RSPH6A: variants seen among roughly 807,000 people sequenced by gnomAD.
The protein encoded by RSPH6A is radial spoke head 6 homolog A.
In RSPH6A, 49 loss-of-function variants were observed where a neutral mutation model predicts 66.1. The observed-to-expected ratio is 0.74, with a 90% CI of 0.59 to 0.94. RSPH6A has a LOEUF of 0.94. RSPH6A is among the 40% of genes least tolerant of loss of function. RSPH6A has a pLI of 0.00. For missense variants in RSPH6A, 977 were observed against 948.3 expected (o/e 1.03, Z -0.40); for synonymous variants, 419 against 402.4 (o/e 1.04, Z -0.49).
rs766462573 is a variant in RSPH6A at position 45,804,362 on chromosome 19, C to T, written c.1543G>A (p.Ala515Thr). ...TTCTCCTCGTAGGAGTCGCGCCCAG[C>T]ACCACCTTCCTCCTCCTCGTCGCCC... ...EEGDEEEEGGAGRDSYEENPD... is the reference protein window; with the variant it reads ...EEGDEEEEGGTGRDSYEENPD... Residue 515 changes from alanine (A) to threonine (T), a missense_variant, in exon 3 of 6, where the codon GCT becomes ACT. Transcript: ENST00000221538. The surrounding 1 kb of genome is among the most constrained non-coding windows in gnomAD (Gnocchi z 5.8). The T allele has an allele frequency of 6.2e-7, 1 of 1,614,224 alleles. No homozygotes were observed.
chr19:45,796,961 G>A (rs1970415155), intron 5 of RSPH6A, among the ~76,000 whole-genome samples: 1 of 152,144 alleles, frequency 6.6e-6, no homozygotes. Context: ...TCCAGCTACT[G>A]GGGAGGCTGA....
Position 45,795,927 on chromosome 19 carries a change from G to C in RSPH6A, c.2096C>G (p.Ala699Gly). 1 of 1,525,562 alleles carries C rather than the reference G, an allele frequency of 6.6e-7. No individual in the cohort carries two copies. Among genetic ancestry groups the C allele is most frequent in the Non-Finnish European group, 8.8e-7 (1 of 1,139,524 alleles). 94.5% of individuals were successfully genotyped at this position (1,525,562 alleles called of 1,614,324 possible). A position where few individuals can be genotyped will look rare whatever the true frequency, so the allele number is the denominator to read the frequency against. Residue 699 changes from alanine (A) to glycine (G), a missense_variant, in exon 6 of 6, where the codon GCC (alanine) becomes GGC (glycine). Ala to Gly is a moderately conservative substitution (Grantham distance 60, BLOSUM62 0). Coordinates refer to ENST00000221538, the MANE Select transcript of RSPH6A (RefSeq NM_030785.4). The stretch of plus-strand genomic sequence containing the variant: ...CTCGCCCTCCTCCTCCTCCTCTGTG[G>C]CTCCCAGGGCTTGTTCCTGGGCTGC... ...LKAAQEQALG[A>G]TEEEEEGEEE...
chr19:45,812,411 T>G (rs57938077), intron 1 of RSPH6A, among the ~76,000 whole-genome samples: 9,961 of 151,762 alleles, frequency 0.066, 475 homozygotes, highest in African/African-American at 0.11. Context: ...TGAAACCAAG[T>G]TGGTCTGATT....
intron 4 of RSPH6A, 48 bp from the exon 5 acceptor site, chr19:45,800,611 C>A (rs1229261704): frequency 6.6e-7 from 1 of 1,518,668 alleles, no homozygotes; most frequent in Non-Finnish European, 9.0e-7. Flanking sequence ...AGGGAGGCCC[C>A]CAGGCCCTGC....
chr19:45,805,207 G>A (rs1266934518), intron 2 of RSPH6A, among the ~76,000 whole-genome samples, 191 bp from the exon 3 acceptor site: 7 of 152,170 alleles, frequency 4.6e-5, no homozygotes, highest in Non-Finnish European at 8.8e-5. Flanking sequence ...GTCCAGCCTG[G>A]CCAACATGGT....
chr19:45,805,993 T>A (rs1970538460), intron 2 of RSPH6A, among the ~76,000 whole-genome samples: 1 of 152,174 alleles, frequency 6.6e-6, no homozygotes, highest in South Asian at 2.1e-4. Context: ...AGGTGGAAAT[T>A]GCCTGGTCCC....
intron 2 of RSPH6A, among the ~76,000 whole-genome samples, chr19:45,808,288 C>T (rs529231494): frequency 3.9e-5 from 6 of 152,258 alleles, no homozygotes; most frequent in South Asian, 2.1e-4. Context: ...ATTAGCCAGG[C>T]GTGGTGGCAC....
chr19:45,810,922 GC>G, intron 1 of RSPH6A, 82 bp from the exon 2 acceptor site: 1 of 1,170,504 alleles, frequency 8.5e-7, no homozygotes, highest in Non-Finnish European at 1.2e-6. Context: ...CTGGCCCTGT[GC>G]CTGGTGCTGG....
chr19:45,806,204 C>T lies in RSPH6A; in HGVS notation c.889-1188G>A, dbSNP rs572451652. Among the ~76,000 whole-genome samples the T allele has an allele frequency of 1.1e-4, 16 of 152,232 alleles. No individual in the cohort carries two copies. The South Asian group carries it at 3.3e-3, about 32-fold the overall frequency. On this transcript the variant is annotated intron_variant, in intron 2 of 5. Transcript: ENST00000221538. Reference sequence around the variant, plus strand: ...AGAGGATGGTAATAAGTCCTGTCTTCACTGCCTCCATCTATACCGTGTGCT... The same window carrying T: ...AGAGGATGGTAATAAGTCCTGTCTTTACTGCCTCCATCTATACCGTGTGCT...
chr19:45,810,515 G>T, intron 2 of RSPH6A, 88 bp downstream of exon 2: 2 of 1,237,518 alleles, frequency 1.6e-6, no homozygotes, highest in Non-Finnish European at 2.3e-6. Context: ...GCTGTCTTTC[G>T]CCTCCAGGCC....
chr19:45,804,384 G>A lies in RSPH6A; in HGVS notation c.1521C>T (p.Gly507=), dbSNP rs1392098510. 3.1e-6 allele frequency: 5 copies of A among 1,613,872 alleles called. No individual in the cohort carries two copies. The highest frequency in any genetic ancestry group is 1.7e-5 in the Admixed American group (1 of 59,988). ...LGFYQFSEEE[G]DEEEEGGAGR... is the part of the protein sequence containing the mutation. Reference sequence around the variant, plus strand: ...CAGCACCACCTTCCTCCTCCTCGTCGCCCTCCTCCTCACTAAACTGGTAGA... The same window carrying A: ...CAGCACCACCTTCCTCCTCCTCGTCACCCTCCTCCTCACTAAACTGGTAGA... The change falls in exon 3 of 6, where the codon GGC becomes GGT. Residue 507 remains glycine, a synonymous_variant. Transcript: ENST00000221538. This position sits in a 1 kb window ranked among gnomAD's most constrained non-coding sequence, Gnocchi z 5.8.
chr19:45,803,534 G>A (rs1327252007), intron 3 of RSPH6A, among the ~76,000 whole-genome samples: 1 of 152,056 alleles, frequency 6.6e-6, no homozygotes, highest in Non-Finnish European at 1.5e-5. Flanking sequence ...AAATTAGTTG[G>A]GCGTGATGGC....
intron 4 of RSPH6A, 90 bp downstream of exon 4, chr19:45,802,030 G>T (rs200731142): frequency 7.9e-7 from 1 of 1,268,124 alleles, no homozygotes; most frequent in African/African-American, 1.5e-5. Flanking sequence ...GGGAAGGACC[G>T]GGGAGATGGA....
At chr19:45,805,144 C>A in intron 2 of RSPH6A, 128 bp from the exon 3 acceptor site, 2 of 758,148 alleles carry the variant, frequency 2.6e-6, no homozygotes, top group Non-Finnish European at 4.2e-6. Context: ...CGCCTGTAAT[C>A]CCAGCACTTT....
At chr19:45,810,256 C>T (rs972234428) in intron 2 of RSPH6A, among the ~76,000 whole-genome samples, 3 of 151,014 alleles carry the variant, frequency 2.0e-5, no homozygotes, top group Non-Finnish European at 4.4e-5. Flanking sequence ...TGCCAAGCTC[C>T]GCCTCCTGGG....
intron 5 of RSPH6A, among the ~76,000 whole-genome samples, chr19:45,798,921 T>C (rs1443720777): frequency 2.0e-5 from 3 of 150,894 alleles, no homozygotes; most frequent in African/African-American, 7.3e-5. Flanking sequence ...CAGAAGAGCG[T>C]TGGGTGGGTG....
chr19:45,808,198 G>A (rs908378780), intron 2 of RSPH6A, among the ~76,000 whole-genome samples: 6 of 152,150 alleles, frequency 3.9e-5, no homozygotes, highest in Admixed American at 6.6e-5. Context: ...AGGCCGAGGC[G>A]GACAGATCAC....
At chr19:45,798,056 G>A (rs1171464784) in intron 5 of RSPH6A, among the ~76,000 whole-genome samples, 1 of 152,028 alleles carries the variant, frequency 6.6e-6, no homozygotes, top group Non-Finnish European at 1.5e-5. Context: ...GAGGGAGACA[G>A]AGACTGATAA....
chr19:45,798,818 A>G (rs1285072525), intron 5 of RSPH6A, among the ~76,000 whole-genome samples: 19 of 151,232 alleles, frequency 1.3e-4, no homozygotes, highest in African/African-American at 4.1e-4. Context: ...CAGCCTGGGC[A>G]ACAGAGCGAG....
Sources: gnomAD v4.1 joint callset for allele counts (sites outside exome capture counted in the v4.1 genomes callset) on GRCh38, gnomAD v4.1.1 for gene constraint, Gnocchi (gnomAD v3.1) non-coding constraint, MANE v1.5 for transcripts, NCBI Gene and HGNC (gene_info 2026-07-23, HGNC 2026-07-21) for gene names.